Variants in GFRAL observed in about 807,000 individuals in gnomAD.
The protein encoded by GFRAL is GDNF family receptor alpha like, also known as GDNF family receptor alpha-like.
GFRAL carries 36 observed loss-of-function variants against 45.4 expected under a neutral mutation model. That is an observed-to-expected ratio of 0.79 (90% CI 0.61 to 1.05). The LOEUF is 1.05. GFRAL is among the 50% of genes least tolerant of loss of function. The pLI, the probability that GFRAL is intolerant of heterozygous loss-of-function variation, is 0.00. For synonymous variants in GFRAL, 166 were observed against 154.1 expected (o/e 1.08, Z -0.57); for missense variants, 507 against 467.5 (o/e 1.08, Z -0.78).
rs761885309 is a variant in GFRAL, at chr6:55,358,990, T to G, written c.804T>G (p.Thr268=). The change falls in exon 6 of 9, where the codon ACT becomes ACG. Residue 268 remains threonine (T), a synonymous_variant. Coordinates refer to ENST00000340465, the MANE Select transcript of GFRAL (RefSeq NM_207410.2). ...GCACCTTAAGCAAACAGGACCTCAC[T>G]TGTTCAGGAAGTGATGACTGCAAAG... The part of the protein sequence containing the change: ...CISTLSKQDL[T]CSGSDDCKAA... 9.9e-6 allele frequency: 16 copies of G among 1,613,024 alleles called. No individual in the cohort carries two copies. In the African/African-American group the frequency reaches 2.1e-4, roughly 22 times the overall value.
Position 55,351,370 on chromosome 6 carries a change from A to T in GFRAL, c.488A>T (p.Asp163Val), listed in dbSNP as rs1562052978. The change falls in exon 5 of 9, where the codon GAT becomes GTT. Residue 163 changes from aspartate to valine, a missense_variant. By Grantham distance (152) the Asp-to-Val change is radical. Transcript: ENST00000340465. ...KACSANGNPC[D>V]LKQCQAAIRF... ...TGCTCAGCAAATGGAAATCCGTGTG[A>T]TCTGAAACAGTGCCAAGCAGCCATA... 8 of 1,613,700 alleles carry T rather than the reference A, an allele frequency of 5.0e-6. No homozygotes were observed. Among genetic ancestry groups the T allele is most frequent in the Non-Finnish European group, 6.8e-6 (8 of 1,179,752 alleles).
chr6:55,328,516 C>A (rs765760284), intron 1 of GFRAL, among the ~76,000 whole-genome samples: 1 of 151,762 alleles, frequency 6.6e-6, no homozygotes, highest in South Asian at 2.1e-4. Context: ...TTCAGTTTTT[C>A]TTTTGTTTAA....
At chr6:55,397,796 G>T (rs920833203) in intron 6 of GFRAL, among the ~76,000 whole-genome samples, 1 of 152,114 alleles carries the variant, frequency 6.6e-6, no homozygotes, top group Non-Finnish European at 1.5e-5. Flanking sequence ...TGGAACATTT[G>T]CTAATAAAGT....
chr6:55,401,313 A>C (rs753816939), intron 8 of GFRAL, among the ~76,000 whole-genome samples: 24 of 152,206 alleles, frequency 1.6e-4, no homozygotes, highest in Non-Finnish European at 3.2e-4. Context: ...GAACAAACTG[A>C]AACAAAAGCA....
At chr6:55,400,292 T>C (rs1206112685) in intron 8 of GFRAL, among the ~76,000 whole-genome samples, 2 of 152,138 alleles carry the variant, frequency 1.3e-5, no homozygotes, top group Non-Finnish European at 2.9e-5. Context: ...TATATACATG[T>C]AAGTACATAC....
intron 6 of GFRAL, among the ~76,000 whole-genome samples, chr6:55,367,955 G>T (rs1023988824): frequency 2.1e-5 from 3 of 146,212 alleles, no homozygotes; most frequent in African/African-American, 5.2e-5. Flanking sequence ...TCTTTGTGGC[G>T]TTCTCTGTAT....
chr6:55,381,892 A>C (rs1292707668), intron 6 of GFRAL, among the ~76,000 whole-genome samples: 1 of 151,874 alleles, frequency 6.6e-6, no homozygotes, highest in African/African-American at 2.4e-5. Context: ...ATAAATGCAC[A>C]TACATCACCT....
intron 6 of GFRAL, among the ~76,000 whole-genome samples, chr6:55,394,912 G>A (rs572098875): frequency 9.5e-4 from 144 of 152,060 alleles, no homozygotes; most frequent in Admixed American, 1.9e-3. Context: ...AGAAGGAGGA[G>A]AAGGAGGAGA....
At chr6:55,388,623 G>A (rs1381973892) in intron 6 of GFRAL, among the ~76,000 whole-genome samples, 2 of 152,218 alleles carry the variant, frequency 1.3e-5, no homozygotes, top group East Asian at 1.9e-4. Flanking sequence ...CAACTGCTTC[G>A]ACTCAGTCAA....
chr6:55,367,847 C>T (rs1227323791), intron 6 of GFRAL, among the ~76,000 whole-genome samples: 1 of 151,830 alleles, frequency 6.6e-6, no homozygotes, highest in Admixed American at 6.6e-5. Flanking sequence ...GAGGGTAACC[C>T]GACCTTTCTC....
intron 6 of GFRAL, among the ~76,000 whole-genome samples, chr6:55,363,601 C>A (rs1768310375): frequency 9.0e-6 from 1 of 111,512 alleles, no homozygotes; most frequent in East Asian, 2.9e-4. Flanking sequence ...CCCCACCCCA[C>A]CTCAGTCCCC....
At chr6:55,380,356 A>G (rs1768591981) in intron 6 of GFRAL, among the ~76,000 whole-genome samples, 1 of 151,962 alleles carries the variant, frequency 6.6e-6, no homozygotes. Flanking sequence ...ACAAGCCCAA[A>G]CTATTGAGGA....
chr6:55,384,307 A>G (rs1231098252), intron 6 of GFRAL, among the ~76,000 whole-genome samples: 1 of 151,602 alleles, frequency 6.6e-6, no homozygotes, highest in African/African-American at 2.4e-5. Context: ...TCCCCACACA[A>G]TAAAACATCC....
chr6:55,375,851 C>T (rs2894824), intron 6 of GFRAL, among the ~76,000 whole-genome samples: 43,786 of 151,968 alleles, frequency 0.29, 7,314 homozygotes, highest in Middle Eastern at 0.45. Flanking sequence ...CCCTTTATTT[C>T]GTTCCCTTGC....
intron 1 of GFRAL, among the ~76,000 whole-genome samples, chr6:55,330,531 A>T (rs1767815674): frequency 6.6e-6 from 1 of 152,120 alleles, no homozygotes; most frequent in Non-Finnish European, 1.5e-5. Flanking sequence ...ATAGCTAATG[A>T]TTGTGTTCAG....
chr6:55,346,768 G>A (rs1266874316), intron 3 of GFRAL, among the ~76,000 whole-genome samples: 1 of 138,856 alleles, frequency 7.2e-6, no homozygotes, highest in Admixed American at 7.6e-5. Context: ...GAAATAATTA[G>A]AAACATGTAA....
At chr6:55,377,262 G>C (rs1450404915) in intron 6 of GFRAL, among the ~76,000 whole-genome samples, 1 of 151,982 alleles carries the variant, frequency 6.6e-6, no homozygotes, top group Non-Finnish European at 1.5e-5. Context: ...AACTGTGGCA[G>C]CTGCCCTACT....
chr6:55,343,724 T>C (rs1444755776), intron 3 of GFRAL, among the ~76,000 whole-genome samples: 1 of 152,016 alleles, frequency 6.6e-6, no homozygotes, highest in African/African-American at 2.4e-5. Flanking sequence ...CTTCAAAAAA[T>C]CAATGAATCC....
At chr6:55,356,111 C>T (rs1768191083) in intron 5 of GFRAL, among the ~76,000 whole-genome samples, 1 of 151,690 alleles carries the variant, frequency 6.6e-6, no homozygotes, top group Admixed American at 6.6e-5. Context: ...TGTGTTGTTG[C>T]ATTTGGTTTG....
Sources: allele counts gnomAD v4.1 joint callset (sites outside exome capture counted in the v4.1 genomes callset), GRCh38; gene constraint gnomAD v4.1.1; transcripts MANE v1.5; gene names NCBI Gene and HGNC (gene_info 2026-07-23, HGNC 2026-07-21).